The following BMPR1B variants were observed in gnomAD, a reference collection of about 807,000 sequenced individuals.
BMPR1B encodes the protein bone morphogenetic protein receptor type-1B.
In BMPR1B, 12 loss-of-function variants were observed where a neutral mutation model predicts 59.1. The observed-to-expected ratio is 0.20, with a 90% CI of 0.13 to 0.33. The LOEUF is 0.33. Among genes scored for constraint, BMPR1B ranks in the 10% least tolerant of loss-of-function variants. The pLI is 1.00. For missense variants in BMPR1B, 550 were observed against 610.9 expected (o/e 0.90, Z 1.05); for synonymous variants, 237 against 207.3 (o/e 1.14, Z -1.23).
At chr4:95,110,504 C>T (rs1224569618) in intron 4 of BMPR1B, among the ~76,000 whole-genome samples, 1 of 152,028 alleles carries the variant, frequency 6.6e-6, no homozygotes, top group Non-Finnish European at 1.5e-5. Flanking sequence ...AGAAGGAAAG[C>T]CAGGGAAGGG....
At chr4:95,053,281 T>TTGTGTGTGTGTG (rs60404669) in intron 3 of BMPR1B, among the ~76,000 whole-genome samples, 11,479 of 134,084 alleles carry the variant, frequency 0.086, 690 homozygotes, top group Non-Finnish European at 0.12. Context: ...TGCAGGGCAC[T>TTGTGTGTGTGTG]TGTGTGTGTG....
intron 3 of BMPR1B, among the ~76,000 whole-genome samples, chr4:95,069,464 A>C (rs1317842760): frequency 2.0e-5 from 3 of 152,178 alleles, no homozygotes; most frequent in African/African-American, 7.2e-5. Context: ...CCTGTCTAGA[A>C]CACATTTCCC....
intron 3 of BMPR1B, among the ~76,000 whole-genome samples, chr4:95,064,761 G>T (rs1727673792): frequency 6.6e-6 from 1 of 152,138 alleles, no homozygotes. Flanking sequence ...TATACAAGTG[G>T]CTGACAATCA....
chr4:95,011,123 AAGGC>A (rs1723196014), intron 3 of BMPR1B, among the ~76,000 whole-genome samples: 3 of 151,416 alleles, frequency 2.0e-5, no homozygotes, highest in Admixed American at 6.6e-5. Flanking sequence ...AGTACATGTG[AAGGC>A]TGGTTACGTA....
Position 95,155,714 on chromosome 4 carries a change from A to G in BMPR1B, c.*1041A>G, listed in dbSNP as rs938147075. The G allele has an allele frequency of 4.6e-5, 7 of 152,086 alleles. No individual in the cohort carries two copies. The highest frequency in any genetic ancestry group is 1.7e-4 in the African/African-American group (7 of 41,408). The allele number at this position is 152,086 out of a possible 1,614,324, so 9.4% of individuals were successfully genotyped here. A position where few individuals can be genotyped will look rare whatever the true frequency, so the allele number is the denominator to read the frequency against. ...GTATCTTATATATGCAAAGGAGCCAATCTCAGAAGCACAAAGAAAAAAGTG... is the reference window on the plus strand; with the variant it reads ...GTATCTTATATATGCAAAGGAGCCAGTCTCAGAAGCACAAAGAAAAAAGTG... On this transcript the variant is annotated 3_prime_UTR_variant, in exon 13 of 13. Coordinates refer to ENST00000515059, the MANE Select transcript of BMPR1B (RefSeq NM_001203.3).
intron 3 of BMPR1B, among the ~76,000 whole-genome samples, chr4:95,087,187 C>A (rs1291796686): frequency 6.6e-6 from 1 of 151,978 alleles, no homozygotes; most frequent in East Asian, 1.9e-4. Flanking sequence ...GCCACCACAC[C>A]TGGCTAATTT....
chr4:95,152,224 T>G (rs1463444821), intron 11 of BMPR1B, among the ~76,000 whole-genome samples: 1 of 152,200 alleles, frequency 6.6e-6, no homozygotes, highest in African/African-American at 2.4e-5. Context: ...GATACACTTC[T>G]GAATTTATTA....
chr4:94,998,427 G>A (rs1722213316), intron 3 of BMPR1B, among the ~76,000 whole-genome samples: 1 of 150,168 alleles, frequency 6.7e-6, no homozygotes, highest in Non-Finnish European at 1.5e-5. Context: ...AGGCTGGAGT[G>A]CAATGGCGCG....
At chr4:95,096,305 A>G (rs1001378418) in intron 3 of BMPR1B, among the ~76,000 whole-genome samples, 3 of 151,728 alleles carry the variant, frequency 2.0e-5, no homozygotes, top group African/African-American at 2.4e-5. Flanking sequence ...TATAACTGCA[A>G]TATATTTTCC....
chr4:94,958,803 T>C (rs1730251942), intron 2 of BMPR1B, among the ~76,000 whole-genome samples: 1 of 152,082 alleles, frequency 6.6e-6, no homozygotes, highest in African/African-American at 2.4e-5. Flanking sequence ...GGGTAACCTG[T>C]ATCTCTGTAC....
chr4:94,778,229 CT>C (rs1173181327), intron 1 of BMPR1B, among the ~76,000 whole-genome samples: 8 of 152,078 alleles, frequency 5.3e-5, no homozygotes, highest in Non-Finnish European at 1.0e-4. Context: ...TGAGTAAACA[CT>C]AACCTGAGTT....
At chr4:95,150,321 G>C (rs144758950) in intron 11 of BMPR1B, among the ~76,000 whole-genome samples, 1 of 151,994 alleles carries the variant, frequency 6.6e-6, no homozygotes, top group Non-Finnish European at 1.5e-5. Context: ...TTGATTTCAC[G>C]CATTATAAAG....
chr4:94,850,111 A>AT (rs1725511080), intron 1 of BMPR1B, among the ~76,000 whole-genome samples: 1 of 152,050 alleles, frequency 6.6e-6, no homozygotes, highest in Non-Finnish European at 1.5e-5. Flanking sequence ...GCTTTGACTA[A>AT]AGAGTTGAGA....
intron 1 of BMPR1B, among the ~76,000 whole-genome samples, chr4:94,774,084 T>C (rs189228029): frequency 3.3e-5 from 5 of 152,218 alleles, no homozygotes; most frequent in Non-Finnish European, 4.4e-5. Context: ...ATTATTTTTA[T>C]ATGTGTGGGG....
At chr4:95,132,008 C>A (rs961082794) in intron 10 of BMPR1B, among the ~76,000 whole-genome samples, 2 of 152,134 alleles carry the variant, frequency 1.3e-5, no homozygotes, top group African/African-American at 4.8e-5. Context: ...GCACATAAAC[C>A]AGAGCATGTT....
chr4:94,787,309 G>A (rs1722799189), intron 1 of BMPR1B, among the ~76,000 whole-genome samples: 1 of 152,078 alleles, frequency 6.6e-6, no homozygotes, highest in Non-Finnish European at 1.5e-5. Flanking sequence ...TGTTGATGGG[G>A]TTCAGGACAA....
rs537564907 is a variant in BMPR1B at position 95,054,301 on chromosome 4, T to C, written c.-17-50107T>C. Among the ~76,000 whole-genome samples, 11 of 152,276 alleles carry C rather than the reference T, an allele frequency of 7.2e-5. No homozygotes were observed. In the East Asian group the frequency reaches 1.7e-3, roughly 24 times the overall value. On this transcript the variant is annotated intron_variant, in intron 3 of 12. Transcript: ENST00000515059. ...GATAGAAGCAAGGGTGGCCTATGTA[T>C]ATGGTGACTCATCAACCTAAATCTT...
At chr4:94,813,024 A>G (rs1023633470) in intron 1 of BMPR1B, among the ~76,000 whole-genome samples, 1 of 150,910 alleles carries the variant, frequency 6.6e-6, no homozygotes, top group Non-Finnish European at 1.5e-5. Context: ...TTCATCTTCC[A>G]TAGGGTTTTT....
intron 2 of BMPR1B, among the ~76,000 whole-genome samples, chr4:94,982,102 C>A (rs751677527): frequency 1.3e-5 from 2 of 152,062 alleles, no homozygotes; most frequent in Non-Finnish European, 2.9e-5. Context: ...CAAATGTATT[C>A]CAGAATGCAC....
Sources: gnomAD v4.1 joint callset for allele counts (sites outside exome capture counted in the v4.1 genomes callset) on GRCh38, gnomAD v4.1.1 for gene constraint, MANE v1.5 for transcripts, NCBI Gene and HGNC (gene_info 2026-07-23, HGNC 2026-07-21) for gene names.